Variants in PDE4D observed in about 807,000 individuals in gnomAD.
PDE4D encodes 3',5'-cyclic-AMP phosphodiesterase 4D.
In PDE4D, 24 loss-of-function variants were observed where a neutral mutation model predicts 87.4. That is an observed-to-expected ratio of 0.27 (90% CI 0.20 to 0.39). PDE4D has a LOEUF of 0.39. Among genes scored for constraint, PDE4D ranks in the 10% least tolerant of loss-of-function variants. PDE4D has a pLI of 1.00. For synonymous variants in PDE4D, 384 were observed against 383.2 expected, an observed-to-expected ratio of 1.00 and a Z score of -0.02; for missense variants, 714 against 1,041.0, an observed-to-expected ratio of 0.69 and a Z score of 4.32.
At position 60,469,574 on chromosome 5, in the gene PDE4D, T is replaced by C. The variant is rs532275426; in HGVS notation, c.-90+18368A>G. 2.0e-5 allele frequency among the ~76,000 whole-genome samples: 3 copies of C among 152,356 alleles called. No homozygotes were observed. In the East Asian group the frequency reaches 5.8e-4, roughly 29 times the overall value. The stretch of plus-strand genomic sequence containing the variant: ...CATCACAGGTTTGTGGCAACCCTGG[T>C]TGAGCAAGTCTATCAGCACCATTTT... On this transcript the variant is annotated intron_variant, in intron 1 of 16. Coordinates refer to the PDE4D transcript ENST00000502484.
At chr5:59,786,362 G>A (rs192165258) in intron 1 of PDE4D, among the ~76,000 whole-genome samples, 240 of 152,312 alleles carry the variant, frequency 1.6e-3, no homozygotes, top group Non-Finnish European at 2.6e-3. Flanking sequence ...TAGTCCAATT[G>A]CTTCCAGCTC....
At chr5:59,630,715 T>C (rs1443914434) in intron 1 of PDE4D, among the ~76,000 whole-genome samples, 2 of 152,156 alleles carry the variant, frequency 1.3e-5, no homozygotes, top group Admixed American at 6.5e-5. Context: ...ACTTCTATAA[T>C]AGAAGCAGTC....
intron 3 of PDE4D, among the ~76,000 whole-genome samples, chr5:59,935,748 T>C (rs1756492503): frequency 6.6e-6 from 1 of 152,228 alleles, no homozygotes; most frequent in African/African-American, 2.4e-5. Flanking sequence ...TTGTTAGAAA[T>C]GCAGCACTTC....
At chr5:60,269,623 G>A (rs1215572722) in intron 1 of PDE4D, among the ~76,000 whole-genome samples, 2 of 152,242 alleles carry the variant, frequency 1.3e-5, no homozygotes, top group African/African-American at 4.8e-5. Context: ...TCCAGAACTA[G>A]GGATCTATTG....
At chr5:59,612,287 A>G (rs867993418) in intron 1 of PDE4D, among the ~76,000 whole-genome samples, 22 of 137,960 alleles carry the variant, frequency 1.6e-4, no homozygotes, top group African/African-American at 3.0e-4. Context: ...TGCTTGTTCA[A>G]TCTTTTAAAA....
At chr5:60,127,286 A>C (rs1779198665) in intron 2 of PDE4D, among the ~76,000 whole-genome samples, 1 of 152,152 alleles carries the variant, frequency 6.6e-6, no homozygotes, top group South Asian at 2.1e-4. Context: ...CACAAAAATG[A>C]CGTTAATAGT....
At chr5:59,653,628 G>T (rs1210920289) in intron 1 of PDE4D, among the ~76,000 whole-genome samples, 3 of 152,142 alleles carry the variant, frequency 2.0e-5, no homozygotes, top group African/African-American at 7.2e-5. Flanking sequence ...TCATACTTCA[G>T]AACACTTCCT....
chr5:59,478,540 G>A (rs776136319), intron 1 of PDE4D, among the ~76,000 whole-genome samples: 1 of 151,930 alleles, frequency 6.6e-6, no homozygotes, highest in Non-Finnish European at 1.5e-5. Flanking sequence ...TTTAAATTGG[G>A]TACAGAAAGA....
intron 2 of PDE4D, among the ~76,000 whole-genome samples, chr5:60,036,093 C>T (rs1328936665): frequency 6.6e-6 from 1 of 152,106 alleles, no homozygotes; most frequent in African/African-American, 2.4e-5. Context: ...TTCATCATTA[C>T]CTGGAAGATC....
chr5:60,046,701 A>G (rs1769304676), intron 2 of PDE4D, among the ~76,000 whole-genome samples: 1 of 152,218 alleles, frequency 6.6e-6, no homozygotes, highest in South Asian at 2.1e-4. Flanking sequence ...CCAGCCTTGC[A>G]TCCCAGGGAT....
intron 1 of PDE4D, among the ~76,000 whole-genome samples, chr5:60,391,527 T>C (rs536891522): frequency 6.6e-6 from 1 of 152,186 alleles, no homozygotes; most frequent in Non-Finnish European, 1.5e-5. Context: ...CTAGAGATCA[T>C]CCACATTCTG....
chr5:59,847,158 G>A (rs537526938), intron 1 of PDE4D, among the ~76,000 whole-genome samples: 79 of 152,028 alleles, frequency 5.2e-4, no homozygotes, highest in Non-Finnish European at 4.1e-4. Context: ...ACAACTCGGC[G>A]CTGTGAGGAG....
chr5:60,171,977 C>T (rs986064710), intron 2 of PDE4D, among the ~76,000 whole-genome samples: 6 of 150,914 alleles, frequency 4.0e-5, no homozygotes, highest in East Asian at 1.9e-4. Context: ...GTATTTTAGA[C>T]GTAAGTATTG....
chr5:60,076,609 C>T lies in PDE4D; in HGVS notation c.43-87892G>A, dbSNP rs548944214. Among the ~76,000 whole-genome samples the T allele has an allele frequency of 6.2e-4, 95 of 152,272 alleles. 1 individual carries two copies. The highest frequency in any genetic ancestry group is 3.4e-3 in the Middle Eastern group (1 of 294). ...GGGGACCAAGACTCAACTCAGGACT[C>T]GTGGACTGTGTGCTCTAACCCTGGG... is the stretch of plus-strand genomic sequence containing the variant. On this transcript the variant is annotated intron_variant, in intron 2 of 16. Coordinates refer to the PDE4D transcript ENST00000502484.
intron 1 of PDE4D, among the ~76,000 whole-genome samples, chr5:59,681,603 T>C (rs543706773): frequency 2.6e-4 from 39 of 152,104 alleles, no homozygotes; most frequent in Non-Finnish European, 4.4e-4. Context: ...AGGTTCCTTA[T>C]AAAAGAATGA....
intron 1 of PDE4D, among the ~76,000 whole-genome samples, chr5:60,205,249 C>T (rs1218026108): frequency 1.3e-5 from 2 of 152,172 alleles, no homozygotes; most frequent in Non-Finnish European, 2.9e-5. Flanking sequence ...CTGTGATGGG[C>T]CGGCCCATGG....
At chr5:59,465,436 G>T (rs1448804318) in intron 1 of PDE4D, among the ~76,000 whole-genome samples, 1 of 152,062 alleles carries the variant, frequency 6.6e-6, no homozygotes, top group African/African-American at 2.4e-5. Flanking sequence ...CATCCTAGGA[G>T]AAATATTTCC....
At chr5:60,514,154 A>C (rs1750694238) in intron 1 of PDE4D, among the ~76,000 whole-genome samples, 2 of 151,984 alleles carry the variant, frequency 1.3e-5, no homozygotes, top group African/African-American at 4.8e-5. Flanking sequence ...GAAATGAAAA[A>C]GGGACATTAA....
chr5:60,435,171 A>G (rs1744663680), intron 1 of PDE4D, among the ~76,000 whole-genome samples: 1 of 152,108 alleles, frequency 6.6e-6, no homozygotes, highest in Non-Finnish European at 1.5e-5. Context: ...TATTCAGTAC[A>G]GATGGTTCCT....
Sources: gnomAD v4.1 joint callset for allele counts (sites outside exome capture counted in the v4.1 genomes callset) on GRCh38, gnomAD v4.1.1 for gene constraint, MANE v1.5 for transcripts, NCBI Gene and HGNC (gene_info 2026-07-23, HGNC 2026-07-21) for gene names.